The following NSMCE2 variants were observed in gnomAD, a reference collection of about 807,000 sequenced individuals.
NSMCE2 encodes E3 SUMO-protein ligase NSE2.
NSMCE2 carries 24 observed loss-of-function variants against 23.8 expected under a neutral mutation model. That is an observed-to-expected ratio of 1.01 (90% CI 0.73 to 1.42). The LOEUF is 1.42. Ranked by LOEUF, NSMCE2 falls within the 40% of genes most tolerant of loss-of-function variation. The pLI is 0.00. For missense variants in NSMCE2, 284 were observed against 296.5 expected, an observed-to-expected ratio of 0.96 and a Z score of 0.31; for synonymous variants, 92 against 94.1, an observed-to-expected ratio of 0.98 and a Z score of 0.13.
chr8:125,341,897 G>GAAAAAAAAA (rs61204647), intron 5 of NSMCE2, among the ~76,000 whole-genome samples: 1 of 83,240 alleles, frequency 1.2e-5, no homozygotes, highest in Non-Finnish European at 2.3e-5. Context: ...TCTAGAAATG[G>GAAAAAAAAA]AAAAAAAAAA....
At chr8:125,340,643 GAA>G (rs1349219869) in intron 5 of NSMCE2, among the ~76,000 whole-genome samples, 2 of 152,178 alleles carry the variant, frequency 1.3e-5, no homozygotes, top group Non-Finnish European at 2.9e-5. Flanking sequence ...ATAAAGGACA[GAA>G]TGATAAAATT....
intron 3 of NSMCE2, among the ~76,000 whole-genome samples, chr8:125,147,611 A>G (rs1820760213): frequency 6.6e-6 from 1 of 152,136 alleles, no homozygotes; most frequent in Non-Finnish European, 1.5e-5. Context: ...GTAGGATTTA[A>G]TTTGGTATAT....
intron 7 of NSMCE2, among the ~76,000 whole-genome samples, chr8:125,363,978 C>G (rs1813678386): frequency 6.6e-6 from 1 of 152,020 alleles, no homozygotes; most frequent in Non-Finnish European, 1.5e-5. Flanking sequence ...GAGTCTTGCT[C>G]TGTTGCCCAG....
At chr8:125,293,991 T>A (rs1180574572) in intron 5 of NSMCE2, among the ~76,000 whole-genome samples, 1 of 152,214 alleles carries the variant, frequency 6.6e-6, no homozygotes, top group African/African-American at 2.4e-5. Flanking sequence ...GTTCCCCAGC[T>A]CTAGGCAACC....
chr8:125,311,324 T>A (rs184711205), intron 5 of NSMCE2, among the ~76,000 whole-genome samples: 238 of 152,348 alleles, frequency 1.6e-3, no homozygotes, highest in African/African-American at 5.5e-3. Flanking sequence ...AAACCTAGAA[T>A]CTTTGTAGAA....
chr8:125,317,747 C>A (rs1424086393), intron 5 of NSMCE2, among the ~76,000 whole-genome samples: 5 of 152,134 alleles, frequency 3.3e-5, no homozygotes, highest in East Asian at 3.8e-4. Context: ...AGATATAAAG[C>A]CTTGCTAATG....
intron 3 of NSMCE2, among the ~76,000 whole-genome samples, chr8:125,139,361 T>C (rs887258713): frequency 2.6e-5 from 4 of 152,246 alleles, no homozygotes; most frequent in African/African-American, 9.6e-5. Context: ...AATCTTTGTT[T>C]AGCATCACTC....
intron 5 of NSMCE2, among the ~76,000 whole-genome samples, chr8:125,259,420 G>A (rs1280949125): frequency 6.6e-6 from 1 of 152,162 alleles, no homozygotes; most frequent in Non-Finnish European, 1.5e-5. Context: ...AGAAGCATGA[G>A]CCCTATTGGT....
At chr8:125,186,954 C>T (rs1031419527) in intron 5 of NSMCE2, among the ~76,000 whole-genome samples, 1 of 152,150 alleles carries the variant, frequency 6.6e-6, no homozygotes, top group African/African-American at 2.4e-5. Context: ...GATATAACAT[C>T]TTTGAACAAA....
At chr8:125,112,068 G>A (rs374767077) in intron 3 of NSMCE2, among the ~76,000 whole-genome samples, 2 of 152,118 alleles carry the variant, frequency 1.3e-5, no homozygotes, top group African/African-American at 4.8e-5. Context: ...GTGGTGAGTG[G>A]TGGCCACAAT....
intron 5 of NSMCE2, among the ~76,000 whole-genome samples, chr8:125,236,805 T>TTTTC (rs1266429593): frequency 6.6e-6 from 1 of 152,110 alleles, no homozygotes; most frequent in East Asian, 1.9e-4. Context: ...ACTATCTTTC[T>TTTTC]TTTCTTTCTT....
At chr8:125,363,542 A>AAGAAAGAGAG (rs781446509) in intron 7 of NSMCE2, among the ~76,000 whole-genome samples, 1 of 103,008 alleles carries the variant, frequency 9.7e-6, no homozygotes, top group African/African-American at 3.7e-5. Flanking sequence ...GAAAGAAAGA[A>AAGAAAGAGAG]AGAGAGAGAG....
intron 5 of NSMCE2, among the ~76,000 whole-genome samples, chr8:125,199,239 T>C (rs1040759394): frequency 4.6e-5 from 7 of 152,206 alleles, no homozygotes; most frequent in African/African-American, 9.6e-5. Flanking sequence ...ATTTGTTTGC[T>C]CTTGCTTCTC....
At chr8:125,168,089 A>T (rs17401283) in intron 4 of NSMCE2, among the ~76,000 whole-genome samples, 10,078 of 152,274 alleles carry the variant, frequency 0.066, 435 homozygotes, top group South Asian at 0.15. Flanking sequence ...TGAAATCACT[A>T]ATCGATGGGT....
At chr8:125,289,232 C>T (rs1228749043) in intron 5 of NSMCE2, among the ~76,000 whole-genome samples, 2 of 152,192 alleles carry the variant, frequency 1.3e-5, no homozygotes, top group South Asian at 2.1e-4. Context: ...GCATTGGAAA[C>T]GGGAACTTTG....
chr8:125,175,251 C>CA (rs1822426717), intron 4 of NSMCE2, among the ~76,000 whole-genome samples: 1 of 152,130 alleles, frequency 6.6e-6, no homozygotes, highest in African/African-American at 2.4e-5. Context: ...TGGTGCTTAG[C>CA]ATAATGCCTG....
intron 3 of NSMCE2, among the ~76,000 whole-genome samples, chr8:125,111,620 T>C (rs1043612723): frequency 6.6e-6 from 1 of 152,100 alleles, no homozygotes; most frequent in Non-Finnish European, 1.5e-5. Flanking sequence ...GCCAACATGG[T>C]GAAACCCCAT....
intron 5 of NSMCE2, among the ~76,000 whole-genome samples, chr8:125,194,614 T>C (rs1823521054): frequency 6.6e-6 from 1 of 152,184 alleles, no homozygotes; most frequent in Admixed American, 6.6e-5. Flanking sequence ...TATCCAGGCA[T>C]AAGATTGATG....
intron 5 of NSMCE2, among the ~76,000 whole-genome samples, chr8:125,256,219 GT>G (rs1481318234): frequency 6.6e-6 from 1 of 150,662 alleles, no homozygotes; most frequent in Non-Finnish European, 1.5e-5. Flanking sequence ...GGAGGCGGAG[GT>G]TGCAGTGAGC....
Sources: gnomAD v4.1 joint callset for allele counts (sites outside exome capture counted in the v4.1 genomes callset) on GRCh38, gnomAD v4.1.1 for gene constraint, MANE v1.5 for transcripts, NCBI Gene and HGNC (gene_info 2026-07-23, HGNC 2026-07-21) for gene names.